The following SHISA6 variants were observed in gnomAD, a reference collection of about 807,000 sequenced individuals.
The protein encoded by SHISA6 is shisa family member 6, also known as protein shisa-6.
Under a neutral mutation model 47.9 loss-of-function variants are expected in SHISA6, and 22 were observed. The ratio of observed to expected loss-of-function variants is 0.46; its 90% CI spans 0.33 to 0.66. The LOEUF (loss-of-function observed/expected upper bound fraction) is 0.66. Ranked by LOEUF, SHISA6 falls within the 30% of genes least tolerant of loss-of-function variation. The pLI, the probability that SHISA6 is intolerant of heterozygous loss-of-function variation, is 0.02. For missense variants in SHISA6, 680 were observed against 764.6 expected (o/e 0.89, Z 1.30); for synonymous variants, 388 against 337.8 (o/e 1.15, Z -1.63).
chr17:11,455,013 C>CAA (rs112873651), intron 3 of SHISA6, among the ~76,000 whole-genome samples: 1,962 of 151,738 alleles, frequency 0.013, 52 homozygotes, highest in African/African-American at 0.045. Context: ...ACTAAAAATA[C>CAA]AAAAAAATAG....
At chr17:11,480,605 C>T (rs1164201520) in intron 3 of SHISA6, among the ~76,000 whole-genome samples, 1 of 152,128 alleles carries the variant, frequency 6.6e-6, no homozygotes, top group Non-Finnish European at 1.5e-5. Flanking sequence ...ATGCTCCCCA[C>T]ATGGGTTCCA....
chr17:11,312,661 T>G (rs1910378066), intron 2 of SHISA6, among the ~76,000 whole-genome samples: 1 of 152,192 alleles, frequency 6.6e-6, no homozygotes, highest in Non-Finnish European at 1.5e-5. Context: ...TTTGTCAAAA[T>G]GAAGTAATAT....
intron 2 of SHISA6, among the ~76,000 whole-genome samples, chr17:11,277,006 G>A (rs931059186): frequency 4.6e-5 from 7 of 152,162 alleles, no homozygotes; most frequent in Admixed American, 2.0e-4. Context: ...GAAGACAGGA[G>A]TCACAGATGA....
intron 2 of SHISA6, among the ~76,000 whole-genome samples, chr17:11,272,477 A>G (rs1420419438): frequency 6.6e-6 from 1 of 151,750 alleles, no homozygotes; most frequent in East Asian, 1.9e-4. Context: ...CCAGTTTGGA[A>G]CCCCGCTCTG....
At chr17:11,382,570 T>G in intron 3 of SHISA6, among the ~76,000 whole-genome samples, 1 of 152,234 alleles carries the variant, frequency 6.6e-6, no homozygotes, top group South Asian at 2.1e-4. Flanking sequence ...GTGGGGTCAC[T>G]TTCATTTGTA....
chr17:11,422,912 T>C (rs554839388), intron 3 of SHISA6, among the ~76,000 whole-genome samples: 49 of 152,110 alleles, frequency 3.2e-4, no homozygotes, highest in Admixed American at 3.1e-3. Flanking sequence ...TTGAAATCCC[T>C]TAACCTATGC....
At chr17:11,336,164 G>A (rs1278575961) in intron 2 of SHISA6, among the ~76,000 whole-genome samples, 1 of 152,068 alleles carries the variant, frequency 6.6e-6, no homozygotes, top group Non-Finnish European at 1.5e-5. Context: ...AGCTGAGATC[G>A]TGCCACTGCC....
intron 2 of SHISA6, among the ~76,000 whole-genome samples, chr17:11,266,010 A>T (rs1020900856): frequency 6.6e-6 from 1 of 152,218 alleles, no homozygotes. Context: ...CCCAGAAAGC[A>T]TTCTCAGTTG....
At chr17:11,254,316 C>T (rs369400312) in intron 1 of SHISA6, among the ~76,000 whole-genome samples, 2 of 152,150 alleles carry the variant, frequency 1.3e-5, no homozygotes, top group East Asian at 1.9e-4. Context: ...GAAGTGTGTT[C>T]TTCTTTGGCC....
chr17:11,334,099 T>C (rs1022753785), intron 2 of SHISA6, among the ~76,000 whole-genome samples: 1 of 152,178 alleles, frequency 6.6e-6, no homozygotes, highest in African/African-American at 2.4e-5. Flanking sequence ...CAGAAATTAC[T>C]GAGCATGAAG....
At chr17:11,488,176 A>G (rs900605149) in intron 3 of SHISA6, among the ~76,000 whole-genome samples, 3 of 152,032 alleles carry the variant, frequency 2.0e-5, no homozygotes, top group African/African-American at 7.2e-5. Flanking sequence ...ACTAAAAGCC[A>G]CACTGAATAG....
At chr17:11,308,728 G>A (rs1910217766) in intron 2 of SHISA6, among the ~76,000 whole-genome samples, 1 of 152,192 alleles carries the variant, frequency 6.6e-6, no homozygotes, top group African/African-American at 2.4e-5. Context: ...CTTGAGTTCT[G>A]TTGGGTAAGT....
At chr17:11,375,123 C>G (rs904432729) in intron 2 of SHISA6, among the ~76,000 whole-genome samples, 1 of 152,122 alleles carries the variant, frequency 6.6e-6, no homozygotes, top group Admixed American at 6.5e-5. Flanking sequence ...ATCTAGATAT[C>G]GGTCCCTTTT....
At chr17:11,289,111 A>G (rs1021972872) in intron 2 of SHISA6, 4 of 152,174 alleles carry the variant, frequency 2.6e-5, no homozygotes, top group African/African-American at 9.6e-5. Context: ...ATTTCCTGTC[A>G]TTAAGATTTA....
rs1233614116 is a variant in SHISA6 at position 11,457,583 on chromosome 17, A to C, written c.895+78074A>C. Among the ~76,000 whole-genome samples, 4 of 151,816 alleles carry C rather than the reference A, an allele frequency of 2.6e-5. No individual in the cohort carries two copies. The East Asian group carries it at 7.8e-4, about 30-fold the overall frequency. ...TGTCTCTACTAAAAATGCAAAAAAAAAAAAAAAATTAGTTGGGTATGGTGG... is the reference window on the plus strand; with the variant it reads ...TGTCTCTACTAAAAATGCAAAAAAACAAAAAAAATTAGTTGGGTATGGTGG... On this transcript the variant is annotated intron_variant, in intron 3 of 5. Coordinates refer to ENST00000441885, the MANE Select transcript of SHISA6 (RefSeq NM_207386.4).
In SHISA6 at chr17:11,296,328, AAAG is replaced by A. The variant is rs1909750510; in HGVS notation, c.799+32807_799+32809del. Among the ~76,000 whole-genome samples, 3 of 152,308 alleles carry A rather than the reference AAAG, an allele frequency of 2.0e-5. No individual in the cohort carries two copies. The South Asian group carries it at 6.2e-4, about 32-fold the overall frequency. ...AGATTATAAGAGTAGTCCAAGGAAG[AAAG>A]AAGATAGGGGCTTAGAGTAGGTGGT... On this transcript the variant is annotated intron_variant, in intron 2 of 5. Coordinates refer to ENST00000441885, the MANE Select transcript of SHISA6 (RefSeq NM_207386.4).
In SHISA6 at chr17:11,555,874, T is replaced by G; in HGVS notation, c.1087T>G (p.Ser363Ala). The G allele has an allele frequency of 1.3e-6, 2 of 1,545,976 alleles. No homozygotes were observed. The highest frequency in any genetic ancestry group is 1.7e-6 in the Non-Finnish European group (2 of 1,144,778). ...SAVKTNPSKY[S>A]SLKRLTDKEA... ...AGTAAAGACCAACCCCAGCAAGTAT[T>G]CATCTCTGAAGAGGCTAAGTAAGTT... Residue 363 changes from serine (S) to alanine (A), a missense_variant, in exon 5 of 6, where the codon TCA becomes GCA. By Grantham distance (99) the Ser-to-Ala change is moderately conservative. Coordinates refer to ENST00000441885, the MANE Select transcript of SHISA6 (RefSeq NM_207386.4).
intron 3 of SHISA6, among the ~76,000 whole-genome samples, chr17:11,415,253 T>C (rs974671942): frequency 6.6e-6 from 1 of 152,198 alleles, no homozygotes; most frequent in African/African-American, 2.4e-5. Flanking sequence ...ATATCCCCAT[T>C]TTATATCTGA....
chr17:11,477,472 G>T (rs1382882647), intron 3 of SHISA6, among the ~76,000 whole-genome samples: 1 of 151,706 alleles, frequency 6.6e-6, no homozygotes, highest in African/African-American at 2.4e-5. Context: ...ACATTGTGCA[G>T]GTTAGTTACA....
Sources: allele counts gnomAD v4.1 joint callset (sites outside exome capture counted in the v4.1 genomes callset), GRCh38; gene constraint gnomAD v4.1.1; transcripts MANE v1.5; gene names NCBI Gene and HGNC (gene_info 2026-07-23, HGNC 2026-07-21).